Variants in ACACA observed in about 807,000 individuals in gnomAD.
ACACA encodes the protein acetyl-CoA carboxylase 1.
ACACA carries 103 observed loss-of-function variants against 296.1 expected under a neutral mutation model. The ratio of observed to expected loss-of-function variants is 0.35; its 90% confidence interval spans 0.30 to 0.41. The LOEUF (loss-of-function observed/expected upper bound fraction) is 0.41, where lower values mean the gene tolerates loss of function less well. Among genes scored for constraint, ACACA ranks in the 10% least tolerant of loss-of-function variants. The pLI is 1.00. For missense variants in ACACA, 1,554 were observed against 2,989.7 expected, an observed-to-expected ratio of 0.52 and a Z score of 11.20; for synonymous variants, 953 against 1,038.6, an observed-to-expected ratio of 0.92 and a Z score of 1.58.
At chr17:37,272,919 C>T (rs1048956174) in intron 9 of ACACA, among the ~76,000 whole-genome samples, 2 of 152,024 alleles carry the variant, frequency 1.3e-5, no homozygotes, top group African/African-American at 4.8e-5. Context: ...GGTGTGTTTG[C>T]ATGTGGCTTT....
chr17:37,176,927 A>AG (rs994696647), intron 41 of ACACA, among the ~76,000 whole-genome samples: 2 of 152,180 alleles, frequency 1.3e-5, no homozygotes, highest in African/African-American at 4.8e-5. Flanking sequence ...ACTCCTCCCA[A>AG]GCTCAAAGGC....
chr17:37,363,296 C>T (rs2147624761), intron 1 of ACACA, among the ~76,000 whole-genome samples: 1 of 148,570 alleles, frequency 6.7e-6, no homozygotes, highest in Non-Finnish European at 1.5e-5. Context: ...GATTCTTCTG[C>T]CTCAGCCTCT....
At chr17:37,388,759 A>C in intron 1 of ACACA, 1 of 1,613,140 alleles carries the variant, frequency 6.2e-7, no homozygotes, top group Non-Finnish European at 8.5e-7. Flanking sequence ...TGGAGTTGCC[A>C]TTATAGTATT....
intron 10 of ACACA, among the ~76,000 whole-genome samples, chr17:37,267,667 T>G (rs1218540196): frequency 6.6e-6 from 1 of 152,104 alleles, no homozygotes; most frequent in Non-Finnish European, 1.5e-5. Flanking sequence ...CTCAAGGGAT[T>G]CTCCCATCTC....
intron 10 of ACACA, among the ~76,000 whole-genome samples, chr17:37,269,249 T>C (rs1029368838): frequency 2.0e-5 from 3 of 152,180 alleles, no homozygotes; most frequent in African/African-American, 7.2e-5. Flanking sequence ...GCTAGGATTA[T>C]AGGCATAAGC....
rs2076220747 is a variant in ACACA at position 37,155,858 on chromosome 17, G to A, written c.5350-78C>T. On this transcript the variant is annotated intron_variant, in intron 42 of 55. Transcript: ENST00000616317. ...GAAGATACAGCAAAGCATACATAAT[G>A]AAGCTTGTTCCACAGCTAGCTTTAA... 3.0e-6 allele frequency: 3 copies of A among 990,098 alleles called. No individual in the cohort carries two copies. The Admixed American group carries it at 5.1e-5, about 17-fold the overall frequency. 61.3% of individuals were successfully genotyped at this position (990,098 alleles called of 1,614,324 possible). A position where few individuals can be genotyped will look rare whatever the true frequency, so the allele number is the denominator to read the frequency against.
In ACACA at chr17:37,097,734, C is replaced by A. The variant is rs2073078488; in HGVS notation, c.6720+96G>T. On this transcript the variant is annotated intron_variant, in intron 53 of 55. Coordinates refer to ENST00000616317, the MANE Select transcript of ACACA (RefSeq NM_198834.3). This position sits in a 1 kb window ranked among gnomAD's most constrained non-coding sequence, Gnocchi z 4.8. ...ATCTGCAGAAGTTGTTTTAATTTGGCCCTCATAGCTCCCTGCTTATGAGCC... is the reference window on the plus strand; with the variant it reads ...ATCTGCAGAAGTTGTTTTAATTTGGACCTCATAGCTCCCTGCTTATGAGCC... 1 of 1,463,702 alleles carries A rather than the reference C, an allele frequency of 6.8e-7. No individual in the cohort carries two copies. 90.7% of individuals were successfully genotyped at this position (1,463,702 alleles called of 1,614,324 possible).
intron 43 of ACACA, among the ~76,000 whole-genome samples, chr17:37,153,502 A>G (rs1356949042): frequency 1.3e-5 from 2 of 152,202 alleles, no homozygotes; most frequent in Non-Finnish European, 2.9e-5. Context: ...TTTGCAAGCT[A>G]GATTTTTGAA....
chr17:37,108,439 A>G (rs1050479979), intron 52 of ACACA, among the ~76,000 whole-genome samples: 18 of 151,624 alleles, frequency 1.2e-4, no homozygotes, highest in Non-Finnish European at 2.5e-4. Context: ...CCCAGGCTGG[A>G]GTGCAATGGC....
intron 41 of ACACA, among the ~76,000 whole-genome samples, chr17:37,174,595 C>T (rs1373043791): frequency 1.3e-5 from 2 of 151,908 alleles, no homozygotes; most frequent in African/African-American, 4.8e-5. Context: ...TGCAGTGGCG[C>T]GATCTCGGCT....
At chr17:37,203,031 C>T (rs1413972793) in intron 33 of ACACA, among the ~76,000 whole-genome samples, 2 of 149,936 alleles carry the variant, frequency 1.3e-5, no homozygotes. Flanking sequence ...GGTGCAATCT[C>T]GGCTCACAGC....
intron 1 of ACACA, among the ~76,000 whole-genome samples, chr17:37,341,845 G>A (rs2048383935): frequency 6.6e-6 from 1 of 151,984 alleles, no homozygotes; most frequent in Non-Finnish European, 1.5e-5. Context: ...TGAAAGCTAT[G>A]GACCTTTTCT....
intron 1 of ACACA, chr17:37,388,908 G>A: frequency 1.5e-6 from 2 of 1,345,950 alleles, no homozygotes; most frequent in Non-Finnish European, 2.0e-6. Context: ...GAGGAGATGT[G>A]CCACTCACAC....
At chr17:37,148,162 A>G (rs1035304513) in intron 45 of ACACA, among the ~76,000 whole-genome samples, 1 of 151,262 alleles carries the variant, frequency 6.6e-6, no homozygotes, top group Non-Finnish European at 1.5e-5. Context: ...CTCATAGATA[A>G]TGGTACCTAA....
At chr17:37,402,865 G>T (rs577993177) in intron 1 of ACACA, among the ~76,000 whole-genome samples, 2 of 152,002 alleles carry the variant, frequency 1.3e-5, no homozygotes, top group Non-Finnish European at 2.9e-5. Context: ...GTTGAGATGG[G>T]GTTTCACCAT....
chr17:37,219,976 G>T lies in ACACA; in HGVS notation c.3683+1748C>A, dbSNP rs2079209316. Among the ~76,000 whole-genome samples, 6 of 151,956 alleles carry T rather than the reference G, an allele frequency of 3.9e-5. No homozygotes were observed. In the South Asian group the frequency reaches 1.2e-3, roughly 32 times the overall value. On this transcript the variant is annotated intron_variant, in intron 29 of 55. Coordinates refer to ENST00000616317, the MANE Select transcript of ACACA (RefSeq NM_198834.3). The stretch of plus-strand genomic sequence containing the variant: ...CCTTCACAGTTATACCAATAATAAT[G>T]ATGACAATAACAATAATAATCCAGC...
chr17:37,304,746 G>A (rs2146932123), intron 3 of ACACA, among the ~76,000 whole-genome samples: 1 of 151,382 alleles, frequency 6.6e-6, no homozygotes, highest in South Asian at 2.1e-4. Flanking sequence ...CCAAGATCGT[G>A]CCATTGCACT....
intron 3 of ACACA, chr17:37,328,574 C>T (rs769578801): frequency 2.0e-5 from 5 of 245,442 alleles, no homozygotes; most frequent in Admixed American, 5.5e-5. Context: ...TGACCACTAA[C>T]GAACACTGCC....
rs1408813666 is a variant in ACACA, at chr17:37,126,935, TATCTGCTTTAACTTATCACAGGGAATC to T, written c.5945-1168_5945-1142del. Among the ~76,000 whole-genome samples, 3 of 152,228 alleles carry T rather than the reference TATCTGCTTTAACTTATCACAGGGAATC, an allele frequency of 2.0e-5. 1 individual carries two copies. The highest frequency in any genetic ancestry group is 4.4e-5 in the Non-Finnish European group (3 of 68,038). On this transcript the variant is annotated intron_variant, in intron 47 of 55. Coordinates refer to ENST00000616317, the MANE Select transcript of ACACA (RefSeq NM_198834.3). ...TGACTTTAACTTTTCACCTAGAAGA[TATCTGCTTTAACTTATCACAGGGAATC>T]ATCTGCTTTCTTTAACGCTTCCACT...
Sources: allele counts gnomAD v4.1 joint callset (sites outside exome capture counted in the v4.1 genomes callset), GRCh38; gene constraint gnomAD v4.1.1; non-coding constraint Gnocchi (gnomAD v3.1); transcripts MANE v1.5; gene names NCBI Gene and HGNC (gene_info 2026-07-23, HGNC 2026-07-21).